The following MYCBP2 variants were observed in gnomAD, a reference collection of about 807,000 sequenced individuals.
The protein encoded by MYCBP2 is E3 ubiquitin-protein ligase MYCBP2.
MYCBP2 carries 120 observed loss-of-function variants against 525.3 expected under a neutral mutation model. The ratio of observed to expected loss-of-function variants is 0.23; its 90% CI spans 0.20 to 0.27. MYCBP2 has a LOEUF of 0.27. Among genes scored for constraint, MYCBP2 ranks in the 10% least tolerant of loss-of-function variants. The pLI is 1.00. For missense variants in MYCBP2, 4,149 were observed against 5,657.1 expected, an observed-to-expected ratio of 0.73 and a Z score of 8.55; for synonymous variants, 1,894 against 1,955.8, an observed-to-expected ratio of 0.97 and a Z score of 0.83.
chr13:77,201,901 G>A (rs528452101), intron 26 of MYCBP2, among the ~76,000 whole-genome samples: 1 of 152,088 alleles, frequency 6.6e-6, no homozygotes, highest in Non-Finnish European at 1.5e-5. Flanking sequence ...GCAGTGTGTA[G>A]AGGGAAATTT....
intron 61 of MYCBP2, 41 bp downstream of exon 61, chr13:77,088,791 G>A: frequency 3.3e-6 from 5 of 1,518,912 alleles, no homozygotes; most frequent in East Asian, 2.3e-5. Flanking sequence ...CACATGATTT[G>A]TATAATCAAT....
At chr13:77,071,534 T>C (rs915189196) in intron 68 of MYCBP2, among the ~76,000 whole-genome samples, 2 of 152,194 alleles carry the variant, frequency 1.3e-5, no homozygotes, top group Non-Finnish European at 2.9e-5. Flanking sequence ...TTGGAGTCCA[T>C]TAGAATGTTG....
chr13:77,253,606 G>A (rs1295198028), intron 14 of MYCBP2, among the ~76,000 whole-genome samples: 1 of 151,758 alleles, frequency 6.6e-6, no homozygotes, highest in Non-Finnish European at 1.5e-5. Flanking sequence ...ATACAGTGGG[G>A]CTTTCTGGGC....
In MYCBP2 at chr13:77,102,171, T is replaced by G. The variant is rs561194573; in HGVS notation, c.8141-3158A>C. Reference sequence around the variant, plus strand: ...AAATCTTAAATTATCAGGATCATACTATATCATAATACTATATGCATATAT... The same window carrying G: ...AAATCTTAAATTATCAGGATCATACGATATCATAATACTATATGCATATAT... On this transcript the variant is annotated intron_variant, in intron 55 of 82. Coordinates refer to ENST00000544440, the MANE Select transcript of MYCBP2 (RefSeq NM_015057.5). Among the ~76,000 whole-genome samples the G allele has an allele frequency of 8.0e-4, 121 of 151,986 alleles. 3 individuals carry two copies. In the South Asian group the frequency reaches 0.024, roughly 30 times the overall value.
intron 52 of MYCBP2, among the ~76,000 whole-genome samples, chr13:77,130,500 A>G (rs1300520950): frequency 6.6e-6 from 1 of 152,056 alleles, no homozygotes; most frequent in African/African-American, 2.4e-5. Flanking sequence ...AATATAAGAC[A>G]TATAAAACTC....
At chr13:77,160,158 C>T (rs1389827605) in intron 44 of MYCBP2, among the ~76,000 whole-genome samples, 3 of 151,638 alleles carry the variant, frequency 2.0e-5, no homozygotes, top group African/African-American at 4.8e-5. Flanking sequence ...CCTCCGACTC[C>T]CGGGTTCAAG....
chr13:77,187,647 A>C (rs2060850364), intron 30 of MYCBP2, among the ~76,000 whole-genome samples: 1 of 152,164 alleles, frequency 6.6e-6, no homozygotes, highest in African/African-American at 2.4e-5. Context: ...TATAATACGA[A>C]ATTTTCTAAA....
At chr13:77,212,714 A>C (rs1295187703) in intron 21 of MYCBP2, among the ~76,000 whole-genome samples, 1 of 152,242 alleles carries the variant, frequency 6.6e-6, no homozygotes, top group Non-Finnish European at 1.5e-5. Flanking sequence ...TAAACAGCAC[A>C]ATCAATGGTA....
At chr13:77,218,899 T>G (rs185777632) in intron 20 of MYCBP2, among the ~76,000 whole-genome samples, 1 of 152,158 alleles carries the variant, frequency 6.6e-6, no homozygotes, top group Non-Finnish European at 1.5e-5. Flanking sequence ...GTTTGGGTAA[T>G]TTATGATGAA....
At chr13:77,276,401 C>T (rs1313412297) in intron 4 of MYCBP2, among the ~76,000 whole-genome samples, 1 of 151,772 alleles carries the variant, frequency 6.6e-6, no homozygotes, top group Non-Finnish European at 1.5e-5. Flanking sequence ...GGAGGAGAGG[C>T]AAGTTTCAAA....
intron 36 of MYCBP2, among the ~76,000 whole-genome samples, chr13:77,175,462 T>C (rs1247885225): frequency 6.6e-6 from 1 of 152,192 alleles, no homozygotes; most frequent in Non-Finnish European, 1.5e-5. Flanking sequence ...TAATGCTTTA[T>C]GACCCATGAT....
chr13:77,193,634 C>A (rs905871113), intron 27 of MYCBP2, among the ~76,000 whole-genome samples: 1 of 152,086 alleles, frequency 6.6e-6, no homozygotes, highest in East Asian at 1.9e-4. Context: ...ACTTAATGAA[C>A]CTTCATAAAT....
intron 4 of MYCBP2, among the ~76,000 whole-genome samples, chr13:77,275,387 CTCT>C (rs2075412044): frequency 6.6e-6 from 1 of 152,188 alleles, no homozygotes. Flanking sequence ...AGCCATATTG[CTCT>C]TCTTTTCATT....
chr13:77,235,737 C>T (rs2067821999), intron 17 of MYCBP2, among the ~76,000 whole-genome samples: 1 of 151,954 alleles, frequency 6.6e-6, no homozygotes, highest in Non-Finnish European at 1.5e-5. Context: ...CACAACTAAA[C>T]AAGAAATTAT....
At position 77,288,387 on chromosome 13, in the gene MYCBP2, A is replaced by G; in HGVS notation, c.379-11T>C. 1.3e-6 allele frequency: 2 copies of G among 1,594,194 alleles called. No individual in the cohort carries two copies. Among genetic ancestry groups the G allele is most frequent in the Non-Finnish European group, 8.6e-7 (1 of 1,163,404 alleles). On this transcript the variant is annotated splice_polypyrimidine_tract_variant and intron_variant, in intron 2 of 82. Coordinates refer to ENST00000544440, the MANE Select transcript of MYCBP2 (RefSeq NM_015057.5). ...CTCTAAGTTTTCAGACTGAAATACA[A>G]AACAGAATATTTCCATTTCACACTC...
chr13:77,113,220 C>A (rs928546835), intron 55 of MYCBP2, among the ~76,000 whole-genome samples: 9 of 152,186 alleles, frequency 5.9e-5, no homozygotes, highest in African/African-American at 2.2e-4. Context: ...TCCTTCAACA[C>A]TCTGAGTAGG....
chr13:77,306,844 A>C (rs1366943889), intron 1 of MYCBP2, among the ~76,000 whole-genome samples: 1 of 152,228 alleles, frequency 6.6e-6, no homozygotes, highest in African/African-American at 2.4e-5. Flanking sequence ...TAGGCAACAG[A>C]AAGACACCTA....
chr13:77,055,093 G>C (rs2037645793), intron 80 of MYCBP2, among the ~76,000 whole-genome samples: 1 of 150,214 alleles, frequency 6.7e-6, no homozygotes, highest in African/African-American at 2.5e-5. Context: ...AAGTAGGCAA[G>C]AATGGAGCTC....
In MYCBP2 at chr13:77,058,114, A is replaced by G; in HGVS notation, c.13329+104T>C. The G allele has an allele frequency of 7.8e-7, 1 of 1,288,340 alleles. No individual in the cohort carries two copies. The highest frequency in any genetic ancestry group is 1.5e-5 in the African/African-American group (1 of 67,338). The allele number at this position is 1,288,340 out of a possible 1,614,324, so 79.8% of individuals were successfully genotyped here. On this transcript the variant is annotated intron_variant, in intron 78 of 82. Transcript: ENST00000544440. This position sits in a 1 kb window ranked among gnomAD's most constrained non-coding sequence, Gnocchi z 4.1. ...CTCGGCCTCCCAAAGTGCTGGGATTACAGGCATGAGCCACTGCGCCCGGCC... is the reference window on the plus strand; with the variant it reads ...CTCGGCCTCCCAAAGTGCTGGGATTGCAGGCATGAGCCACTGCGCCCGGCC...
Sources: allele counts gnomAD v4.1 joint callset (sites outside exome capture counted in the v4.1 genomes callset), GRCh38; gene constraint gnomAD v4.1.1; non-coding constraint Gnocchi (gnomAD v3.1); transcripts MANE v1.5; gene names NCBI Gene and HGNC (gene_info 2026-07-23, HGNC 2026-07-21).